Variants in CASTOR2 observed in about 807,000 individuals in gnomAD.
CASTOR2 encodes the protein GATS protein like 2.
CASTOR2 carries 8 observed loss-of-function variants against 31.2 expected under a neutral mutation model. The ratio of observed to expected loss-of-function variants is 0.26; its 90% CI spans 0.15 to 0.46. The LOEUF is 0.46. Ranked by LOEUF, CASTOR2 falls within the 20% of genes least tolerant of loss-of-function variation. The pLI is 0.99. For synonymous variants in CASTOR2, 162 were observed against 158.7 expected (o/e 1.02, Z -0.16); for missense variants, 216 against 382.1 (o/e 0.57, Z 3.62).
chr7:75,009,262 CT>C (rs1161937896), intron 2 of CASTOR2, among the ~76,000 whole-genome samples: 48 of 60,290 alleles, frequency 8.0e-4, no homozygotes, highest in East Asian at 2.4e-3. Context: ...GGCCTGAGAA[CT>C]TTTTTTTTTT....
chr7:74,984,616 C>T (rs1804020563), intron 1 of CASTOR2, among the ~76,000 whole-genome samples: 3 of 152,168 alleles, frequency 2.0e-5, no homozygotes, highest in African/African-American at 4.8e-5. Context: ...CCTTCCTGCT[C>T]CTCTCACTGC....
chr7:74,975,079 C>T (rs1182014212), intron 1 of CASTOR2, among the ~76,000 whole-genome samples: 2 of 150,404 alleles, frequency 1.3e-5, no homozygotes, highest in Non-Finnish European at 3.0e-5. Flanking sequence ...AGTGATGCTC[C>T]TGCCTCAGCC....
chr7:75,003,546 C>T (rs1424334898), intron 1 of CASTOR2, among the ~76,000 whole-genome samples: 1 of 151,804 alleles, frequency 6.6e-6, no homozygotes, highest in Non-Finnish European at 1.5e-5. Context: ...GTCAGGAGAT[C>T]GAGACCATCC....
intron 1 of CASTOR2, among the ~76,000 whole-genome samples, chr7:74,986,246 A>G (rs1554436696): frequency 4.2e-4 from 37 of 88,124 alleles, no homozygotes; most frequent in African/African-American, 1.0e-3. Flanking sequence ...TGTCTTTAGA[A>G]CATGCCTGTG....
At chr7:75,003,271 A>G (rs1438171107) in intron 1 of CASTOR2, among the ~76,000 whole-genome samples, 1 of 151,956 alleles carries the variant, frequency 6.6e-6, no homozygotes, top group African/African-American at 2.4e-5. Flanking sequence ...ACATAGTGAG[A>G]CCCTGTCTCT....
chr7:75,029,490 C>T lies in CASTOR2; in HGVS notation c.*4791C>T, dbSNP rs1805239126. ...TCCCAAGTAGCTGGGATTACAGGCA[C>T]CCACCACCACGCTCGGCTAATTTTT... On this transcript the variant is annotated 3_prime_UTR_variant, in exon 9 of 9. Transcript: ENST00000616305. Among the ~76,000 whole-genome samples, 1 of 151,698 alleles carries T rather than the reference C, an allele frequency of 6.6e-6. No individual in the cohort carries two copies. Among genetic ancestry groups the T allele is most frequent in the African/African-American group, 2.4e-5 (1 of 41,266 alleles).
At chr7:74,996,982 C>T (rs1386417208) in intron 1 of CASTOR2, among the ~76,000 whole-genome samples, 1 of 150,614 alleles carries the variant, frequency 6.6e-6, no homozygotes, top group Admixed American at 6.6e-5. Context: ...TGAACCACCC[C>T]CCTCGGCCTC....
chr7:75,004,403 G>A (rs1804563513), intron 1 of CASTOR2, among the ~76,000 whole-genome samples: 1 of 151,450 alleles, frequency 6.6e-6, no homozygotes, highest in South Asian at 2.1e-4. Flanking sequence ...AATGCCTTAC[G>A]CCCCTCCCAG....
intron 5 of CASTOR2, among the ~76,000 whole-genome samples, chr7:75,019,690 T>A (rs919495601): frequency 1.3e-5 from 2 of 152,144 alleles, no homozygotes; most frequent in Admixed American, 1.3e-4. Flanking sequence ...ACAACAGACA[T>A]TGTGTCACTT....
rs35973691 is a variant in CASTOR2 at position 75,027,617 on chromosome 7, G to A, written c.*2918G>A. The A allele has an allele frequency of 0.11, 21,506 of 202,588 alleles. 1,238 individuals are homozygous for A. The highest frequency in any genetic ancestry group is 0.12 in the African/African-American group (4,966 of 42,122). The allele number at this position is 202,588 out of a possible 1,614,324, so 12.5% of individuals were successfully genotyped here. A position where few individuals can be genotyped will look rare whatever the true frequency, so the allele number is the denominator to read the frequency against. On this transcript the variant is annotated 3_prime_UTR_variant, in exon 9 of 9. Transcript: ENST00000616305. ...TCATGGAGAAAAGCATGTGTGTCGG[G>A]GCGCGCTGGGGCCAGGGTATGGCTC...
intron 1 of CASTOR2, among the ~76,000 whole-genome samples, chr7:74,991,480 A>C (rs1467053889): frequency 6.6e-6 from 1 of 151,040 alleles, no homozygotes; most frequent in Non-Finnish European, 1.5e-5. Flanking sequence ...AGACAGGTGC[A>C]GAGTCAATCA....
intron 1 of CASTOR2, among the ~76,000 whole-genome samples, chr7:74,973,333 C>CTTTTTTTTTTT (rs1200356756): frequency 1.2e-5 from 1 of 80,338 alleles, no homozygotes; most frequent in East Asian, 3.5e-4. Context: ...CTCCAGTAAG[C>CTTTTTTTTTTT]TTTTTTTTTT....
In CASTOR2 at chr7:75,020,490, A is replaced by AT. The variant is rs587738996; in HGVS notation, c.746+360dup. On this transcript the variant is annotated intron_variant, in intron 6 of 8. Transcript: ENST00000616305. ...AGGCAATCCGCCCGCCTCAGGCGTGATTTTTTTTTTTTTTTTTTTAGACGG... is the reference window on the plus strand; with the variant it reads ...AGGCAATCCGCCCGCCTCAGGCGTGATTTTTTTTTTTTTTTTTTTTAGACGG... 5.1e-3 allele frequency among the ~76,000 whole-genome samples: 431 copies of AT among 84,374 alleles called. 7 individuals carry two copies. The highest frequency in any genetic ancestry group is 0.011 in the Middle Eastern group (1 of 92). 55.4% of individuals were successfully genotyped at this position (84,374 alleles called of 152,430 possible).
chr7:75,022,619 G>A (rs1205777452), intron 7 of CASTOR2, among the ~76,000 whole-genome samples: 2 of 150,956 alleles, frequency 1.3e-5, no homozygotes, highest in Admixed American at 6.6e-5. Flanking sequence ...CCAATATGAC[G>A]AAACCCCATG....
At chr7:75,017,532 T>TTGCCCTGCCC in intron 2 of CASTOR2, 66 bp from the exon 3 acceptor site, 1 of 1,574,194 alleles carries the variant, frequency 6.4e-7, no homozygotes, top group African/African-American at 1.3e-5. Flanking sequence ...CTGGCCTGCC[T>TTGCCCTGCCC]TGCCCTGCCC....
At chr7:75,010,637 A>G (rs1396059334) in intron 2 of CASTOR2, among the ~76,000 whole-genome samples, 1 of 151,942 alleles carries the variant, frequency 6.6e-6, no homozygotes, top group Non-Finnish European at 1.5e-5. Context: ...AGCCTTTCCC[A>G]GCCGCAGGTG....
At chr7:74,967,361 G>A (rs1266710506) in intron 1 of CASTOR2, among the ~76,000 whole-genome samples, 1 of 138,424 alleles carries the variant, frequency 7.2e-6, no homozygotes, top group South Asian at 2.5e-4. Flanking sequence ...GCAGCCTGCC[G>A]ACATAGCATT....
In CASTOR2 at chr7:75,024,651, C is replaced by A; in HGVS notation, c.942C>A (p.Ile314=). The change falls in exon 9 of 9, where the codon ATC becomes ATA. Residue 314 remains isoleucine, a synonymous_variant. Transcript: ENST00000616305. ...CTGCACAGGTCCCCGAAGAGAACATCAATGGTGTCATCAGTGCCCTGAAGG... is the reference window on the plus strand; with the variant it reads ...CTGCACAGGTCCCCGAAGAGAACATAAATGGTGTCATCAGTGCCCTGAAGG... ...FDHALVPEEN[I]NGVISALKVS... 1 of 1,551,636 alleles carries A rather than the reference C, an allele frequency of 6.4e-7. No homozygotes were observed. The highest frequency in any genetic ancestry group is 1.2e-5 in the South Asian group (1 of 84,058).
intron 2 of CASTOR2, among the ~76,000 whole-genome samples, chr7:75,015,047 T>C (rs1356856305): frequency 6.6e-6 from 1 of 152,246 alleles, no homozygotes; most frequent in African/African-American, 2.4e-5. Context: ...AGCCACCCAC[T>C]GGCTGACCAC....
Sources: gnomAD v4.1 joint callset for allele counts (sites outside exome capture counted in the v4.1 genomes callset) on GRCh38, gnomAD v4.1.1 for gene constraint, MANE v1.5 for transcripts, NCBI Gene and HGNC (gene_info 2026-07-23, HGNC 2026-07-21) for gene names.